Variants in SLC26A7 observed in about 807,000 individuals in gnomAD.
SLC26A7 encodes solute carrier family 26 member 7.
SLC26A7 carries 59 observed loss-of-function variants against 82.5 expected under a neutral mutation model. The ratio of observed to expected loss-of-function variants is 0.72; its 90% CI spans 0.58 to 0.89. SLC26A7 has a LOEUF of 0.89. SLC26A7 is among the 40% of genes least tolerant of loss of function. The pLI, the probability that SLC26A7 is intolerant of heterozygous loss-of-function variation, is 0.00. For synonymous variants in SLC26A7, 271 were observed against 274.3 expected (o/e 0.99, Z 0.12); for missense variants, 820 against 793.0 (o/e 1.03, Z -0.41).
intron 15 of SLC26A7, among the ~76,000 whole-genome samples, chr8:91,378,116 A>C (rs1439656244): frequency 6.6e-6 from 1 of 152,034 alleles, no homozygotes; most frequent in Non-Finnish European, 1.5e-5. Flanking sequence ...ATTTGTTACT[A>C]TTATGGCTTT....
At chr8:91,277,305 C>T (rs549884602) in intron 2 of SLC26A7, among the ~76,000 whole-genome samples, 1 of 152,298 alleles carries the variant, frequency 6.6e-6, no homozygotes, top group Non-Finnish European at 1.5e-5. Flanking sequence ...TCTCCCACTG[C>T]CTTTGGTAAT....
intron 2 of SLC26A7, among the ~76,000 whole-genome samples, chr8:91,262,783 T>C (rs1441800978): frequency 6.6e-6 from 1 of 152,016 alleles, no homozygotes; most frequent in Non-Finnish European, 1.5e-5. Flanking sequence ...CTATTAAAAA[T>C]TTGTGGACTA....
In SLC26A7 at chr8:91,279,853, C is replaced by T. The variant is rs886119120; in HGVS notation, c.194-9283C>T. Among the ~76,000 whole-genome samples, 4 of 152,168 alleles carry T rather than the reference C, an allele frequency of 2.6e-5. No homozygotes were observed. In the South Asian group the frequency reaches 8.3e-4, roughly 32 times the overall value. On this transcript the variant is annotated intron_variant, in intron 2 of 18. Coordinates refer to ENST00000276609, the MANE Select transcript of SLC26A7 (RefSeq NM_052832.4). ...AATTACAGGCGTGAGCCACCGCGCC[C>T]AGCCGTGTATTTTTTATTTTAATAT... is the stretch of plus-strand genomic sequence containing the variant.
At chr8:91,353,058 CACTAAT>C in intron 11 of SLC26A7, 62 bp downstream of exon 11, 1 of 1,066,136 alleles carries the variant, frequency 9.4e-7, no homozygotes, top group Non-Finnish European at 1.4e-6. Context: ...ACCAAATATG[CACTAAT>C]ACTTTTATTT....
In SLC26A7 at chr8:91,398,092, ACT is replaced by A. The variant is rs1236969730; in HGVS notation, c.*2997_*2998del. On this transcript the variant is annotated 3_prime_UTR_variant, in exon 19 of 19. Coordinates refer to ENST00000276609, the MANE Select transcript of SLC26A7 (RefSeq NM_052832.4). Reference sequence around the variant, plus strand: ...ATCTTTTTTATAATTCTTTGTACTAACTCAGCATGTAACAACCAATTTACATG... The same window carrying A: ...ATCTTTTTTATAATTCTTTGTACTAACAGCATGTAACAACCAATTTACATG... 6.6e-6 allele frequency: 1 copy of A among 152,492 alleles called. No individual in the cohort carries two copies. The highest frequency in any genetic ancestry group is 6.6e-5 in the Admixed American group (1 of 15,262). The allele number at this position is 152,492 out of a possible 1,614,324, so 9.4% of individuals were successfully genotyped here.
At chr8:91,215,669 G>A (rs528130152) in intron 1 of SLC26A7, among the ~76,000 whole-genome samples, 1 of 152,094 alleles carries the variant, frequency 6.6e-6, no homozygotes, top group Non-Finnish European at 1.5e-5. Context: ...TATAATCACA[G>A]ACCAACTCCT....
chr8:91,314,883 T>G (rs1812586070), intron 4 of SLC26A7, among the ~76,000 whole-genome samples: 1 of 152,240 alleles, frequency 6.6e-6, no homozygotes, highest in African/African-American at 2.4e-5. Flanking sequence ...TTTTTAATAC[T>G]TGAAATGGTT....
chr8:91,348,041 G>A (rs1027892392), intron 9 of SLC26A7, among the ~76,000 whole-genome samples: 1 of 151,984 alleles, frequency 6.6e-6, no homozygotes, highest in African/African-American at 2.4e-5. Context: ...TACCCAGGAG[G>A]GATGAGAGAC....
At chr8:91,340,817 G>T (rs1006641850) in intron 8 of SLC26A7, among the ~76,000 whole-genome samples, 5 of 152,074 alleles carry the variant, frequency 3.3e-5, no homozygotes, top group Admixed American at 6.5e-5. Flanking sequence ...AATCCAAACA[G>T]ATTTATTATT....
At chr8:91,256,240 A>T (rs1301303338) in intron 2 of SLC26A7, among the ~76,000 whole-genome samples, 5 of 152,072 alleles carry the variant, frequency 3.3e-5, no homozygotes, top group Non-Finnish European at 7.4e-5. Context: ...CTATTCTTTT[A>T]AAAAAATGTT....
In SLC26A7 at chr8:91,381,901, G is replaced by A. The variant is rs1276540943; in HGVS notation, c.1676-7437G>A. ...TCATTACCTTTACATTTTTACTTCT[G>A]TGACTCTGATTCTGTCCTTAATTAT... On this transcript the variant is annotated intron_variant, in intron 15 of 18. Transcript: ENST00000276609. Among the ~76,000 whole-genome samples the A allele has an allele frequency of 5.9e-5, 9 of 152,086 alleles. No homozygotes were observed. The South Asian group carries it at 1.9e-3, about 32-fold the overall frequency.
chr8:91,328,040 T>C (rs1812981234), intron 5 of SLC26A7, among the ~76,000 whole-genome samples: 1 of 152,142 alleles, frequency 6.6e-6, no homozygotes, highest in South Asian at 2.1e-4. Flanking sequence ...AGGAAAGTAA[T>C]GTTTTGATTA....
At chr8:91,303,671 G>T (rs1047399271) in intron 4 of SLC26A7, among the ~76,000 whole-genome samples, 3 of 152,156 alleles carry the variant, frequency 2.0e-5, no homozygotes, top group African/African-American at 7.2e-5. Context: ...CTTCAAGGAT[G>T]ATAAAAAGAC....
At chr8:91,265,544 C>A (rs1290043541) in intron 2 of SLC26A7, among the ~76,000 whole-genome samples, 6 of 151,996 alleles carry the variant, frequency 3.9e-5, no homozygotes, top group Non-Finnish European at 8.8e-5. Flanking sequence ...TCCTCACTAG[C>A]ATTTGTTATT....
rs117289964 is a variant in SLC26A7, at chr8:91,223,669, C to T, written c.-34+4664C>T. Reference sequence around the variant, plus strand: ...TTATGTGTCTTTGGGTTAATCTTCTCATGGTGTATCCAATGGTTTTCTCTG... The same window carrying T: ...TTATGTGTCTTTGGGTTAATCTTCTTATGGTGTATCCAATGGTTTTCTCTG... On this transcript the variant is annotated intron_variant, in intron 2 of 5. Coordinates refer to the SLC26A7 transcript ENST00000522862. Among the ~76,000 whole-genome samples, 796 of 152,242 alleles carry T rather than the reference C, an allele frequency of 5.2e-3. 5 individuals carry two copies. The highest frequency in any genetic ancestry group is 0.012 in the Admixed American group (179 of 15,290).
At chr8:91,269,066 A>G (rs1309443032) in intron 2 of SLC26A7, among the ~76,000 whole-genome samples, 1 of 151,786 alleles carries the variant, frequency 6.6e-6, no homozygotes, top group Admixed American at 6.6e-5. Context: ...TGTAGTCATT[A>G]TTGTCTTTAA....
chr8:91,272,205 C>G (rs896934254), intron 2 of SLC26A7, among the ~76,000 whole-genome samples: 1 of 152,176 alleles, frequency 6.6e-6, no homozygotes, highest in Non-Finnish European at 1.5e-5. Flanking sequence ...TCCTTTGCTT[C>G]TCTCCTCATA....
At chr8:91,233,740 T>C (rs930239111) in intron 2 of SLC26A7, among the ~76,000 whole-genome samples, 4 of 152,212 alleles carry the variant, frequency 2.6e-5, no homozygotes, top group Non-Finnish European at 4.4e-5. Context: ...ACCTCTGTTT[T>C]AGTTCAATGT....
chr8:91,390,898 C>T (rs1053667772), intron 16 of SLC26A7, among the ~76,000 whole-genome samples: 6 of 152,114 alleles, frequency 3.9e-5, no homozygotes, highest in South Asian at 2.1e-4. Flanking sequence ...TGCCTGGTGC[C>T]GATTGTCTAA....
Sources: gnomAD v4.1 joint callset for allele counts (sites outside exome capture counted in the v4.1 genomes callset) on GRCh38, gnomAD v4.1.1 for gene constraint, MANE v1.5 for transcripts, NCBI Gene and HGNC (gene_info 2026-07-23, HGNC 2026-07-21) for gene names.